ERC1: variants seen among roughly 807,000 people sequenced by gnomAD.
The protein encoded by ERC1 is ELKS/RAB6-interacting/CAST family member 1.
In ERC1, 56 loss-of-function variants were observed where a neutral mutation model predicts 132.0. The ratio of observed to expected loss-of-function variants is 0.42; its 90% CI spans 0.34 to 0.53. ERC1 has a LOEUF of 0.53. ERC1 is among the 20% of genes least tolerant of loss of function. ERC1 has a pLI of 0.03. For missense variants in ERC1, 1,202 were observed against 1,349.9 expected (o/e 0.89, Z 1.72); for synonymous variants, 478 against 476.1 (o/e 1.00, Z -0.05).
intron 7 of ERC1, among the ~76,000 whole-genome samples, chr12:1,126,823 A>G (rs750995022): frequency 2.6e-5 from 4 of 152,034 alleles, no homozygotes; most frequent in Non-Finnish European, 5.9e-5. Flanking sequence ...CCCCGTCTCT[A>G]CTAAAAATAA....
At chr12:1,247,812 C>T (rs2076246766) in intron 13 of ERC1, among the ~76,000 whole-genome samples, 1 of 152,106 alleles carries the variant, frequency 6.6e-6, no homozygotes, top group Non-Finnish European at 1.5e-5. Flanking sequence ...GCATGACCAA[C>T]ATGGAGAAAC....
chr12:1,107,293 G>A (rs1463014280), intron 4 of ERC1, among the ~76,000 whole-genome samples: 1 of 152,150 alleles, frequency 6.6e-6, no homozygotes, highest in Non-Finnish European at 1.5e-5. Flanking sequence ...GAGTTTTGCT[G>A]GGATAGATAA....
intron 15 of ERC1, among the ~76,000 whole-genome samples, chr12:1,331,334 G>T (rs74057133): frequency 0.016 from 2,426 of 152,248 alleles, 67 homozygotes; most frequent in African/African-American, 0.055. Flanking sequence ...GTAGCCAATA[G>T]TTCTTTCAAT....
intron 1 of ERC1, among the ~76,000 whole-genome samples, chr12:999,609 A>ATTTTTTT (rs10661786): frequency 6.8e-5 from 7 of 102,938 alleles, no homozygotes; most frequent in East Asian, 2.7e-4. Context: ...GTGCTAGGTG[A>ATTTTTTT]TTTTTTTTTT....
At chr12:1,000,693 G>A (rs974797797) in intron 1 of ERC1, among the ~76,000 whole-genome samples, 1 of 152,088 alleles carries the variant, frequency 6.6e-6, no homozygotes, top group Non-Finnish European at 1.5e-5. Context: ...AACCTGGGAC[G>A]CACAGGTTGC....
At chr12:1,315,835 A>T (rs2081657600) in intron 15 of ERC1, among the ~76,000 whole-genome samples, 1 of 152,212 alleles carries the variant, frequency 6.6e-6, no homozygotes. Context: ...TCATCACTTT[A>T]CAAAACTGAT....
At chr12:1,122,535 ATCTC>A (rs1236842806) in intron 7 of ERC1, among the ~76,000 whole-genome samples, 3 of 58,690 alleles carry the variant, frequency 5.1e-5, no homozygotes, top group South Asian at 4.6e-4. Context: ...CTCTATCTCT[ATCTC>A]TATCTGTGTC....
chr12:1,060,168 G>A lies in ERC1; in HGVS notation c.670-22996G>A, dbSNP rs559572105. Among the ~76,000 whole-genome samples the A allele has an allele frequency of 3.3e-5, 4 of 120,888 alleles. No individual in the cohort carries two copies. In the South Asian group the frequency reaches 1.1e-3, roughly 32 times the overall value. 79.3% of individuals were successfully genotyped at this position (120,888 alleles called of 152,430 possible). ...CTCAGAATCATGGTGGGAGGCAAAG[G>A]CCACTTCTTTTTTTTTTACTATTAT... On this transcript the variant is annotated intron_variant, in intron 2 of 18. Transcript: ENST00000360905.
chr12:1,377,587 C>T (rs977030051), intron 16 of ERC1, among the ~76,000 whole-genome samples: 5 of 152,176 alleles, frequency 3.3e-5, no homozygotes, highest in Non-Finnish European at 7.4e-5. Context: ...TTGTTGTTAG[C>T]GAAAAGAAAA....
Position 1,028,254 on chromosome 12 carries a change from G to A in ERC1, c.351G>A (p.Gly117=), listed in dbSNP as rs752656449. Reference sequence around the variant, plus strand: ...GTAGCCCCAATATAGCTAGCAGTGGGGTTGCTAGTGACACCATAGCATTTG... The same window carrying A: ...GTAGCCCCAATATAGCTAGCAGTGGAGTTGCTAGTGACACCATAGCATTTG... ...MGSSPNIASS[G]VASDTIAFGE... Residue 117 remains glycine (G), a synonymous_variant, in exon 2 of 19, where the codon GGG becomes GGA. Transcript: ENST00000360905. 4.3e-6 allele frequency: 7 copies of A among 1,613,902 alleles called. No individual in the cohort carries two copies. The highest frequency in any genetic ancestry group is 5.9e-6 in the Non-Finnish European group (7 of 1,179,992).
At chr12:1,325,202 C>T (rs1239457117) in intron 15 of ERC1, among the ~76,000 whole-genome samples, 2 of 152,156 alleles carry the variant, frequency 1.3e-5, no homozygotes, top group African/African-American at 4.8e-5. Flanking sequence ...TTATTCCCAC[C>T]CATGTTTCCC....
intron 2 of ERC1, among the ~76,000 whole-genome samples, chr12:1,036,601 C>A (rs1969140767): frequency 2.0e-5 from 3 of 152,134 alleles, no homozygotes; most frequent in Non-Finnish European, 4.4e-5. Context: ...GTCTCAAACT[C>A]CTGGCCTCAG....
chr12:1,113,053 A>G (rs1374797087), intron 6 of ERC1, among the ~76,000 whole-genome samples: 1 of 152,200 alleles, frequency 6.6e-6, no homozygotes, highest in Non-Finnish European at 1.5e-5. Flanking sequence ...GCAATACAGT[A>G]TGACAACTAT....
At chr12:1,006,683 A>G (rs1480731841) in intron 1 of ERC1, among the ~76,000 whole-genome samples, 1 of 151,066 alleles carries the variant, frequency 6.6e-6, no homozygotes, top group Non-Finnish European at 1.5e-5. Context: ...GGCATGTATC[A>G]CTGTATCTGG....
chr12:1,115,296 AC>A (rs1430644396), intron 6 of ERC1, among the ~76,000 whole-genome samples: 2 of 152,266 alleles, frequency 1.3e-5, no homozygotes, highest in Non-Finnish European at 2.9e-5. Context: ...ATTTTACAAA[AC>A]CATGTTATGT....
chr12:1,168,982 C>T (rs1952756704), intron 8 of ERC1, among the ~76,000 whole-genome samples: 1 of 152,096 alleles, frequency 6.6e-6, no homozygotes, highest in Non-Finnish European at 1.5e-5. Flanking sequence ...TGATTAAAAA[C>T]ACCCACCTTT....
intron 17 of ERC1, among the ~76,000 whole-genome samples, chr12:1,434,085 T>C (rs147870216): frequency 6.6e-5 from 10 of 152,028 alleles, no homozygotes; most frequent in African/African-American, 2.4e-4. Context: ...ATGTTCTGCT[T>C]CCTCTTGTCC....
chr12:1,118,655 G>C (rs1443964762), intron 7 of ERC1, among the ~76,000 whole-genome samples: 1 of 152,156 alleles, frequency 6.6e-6, no homozygotes, highest in Admixed American at 6.5e-5. Flanking sequence ...AATTACTCTG[G>C]TGGCACTTGA....
intron 8 of ERC1, among the ~76,000 whole-genome samples, chr12:1,176,091 C>A (rs1383443041): frequency 6.6e-6 from 1 of 152,160 alleles, no homozygotes; most frequent in Non-Finnish European, 1.5e-5. Flanking sequence ...AAAAAGTTTT[C>A]AATTTACTTT....
Sources: gnomAD v4.1 joint callset for allele counts (sites outside exome capture counted in the v4.1 genomes callset) on GRCh38, gnomAD v4.1.1 for gene constraint, MANE v1.5 for transcripts, NCBI Gene and HGNC (gene_info 2026-07-23, HGNC 2026-07-21) for gene names.